The following SQSTM1 variants were observed in gnomAD, a reference collection of about 807,000 sequenced individuals.
The protein encoded by SQSTM1 is sequestosome 1.
SQSTM1 carries 36 observed loss-of-function variants against 45.1 expected under a neutral mutation model. The observed-to-expected ratio is 0.80, with a 90% CI of 0.61 to 1.05. The LOEUF is 1.05. SQSTM1 is among the 50% of genes least tolerant of loss of function. SQSTM1 has a pLI of 0.00. For missense variants in SQSTM1, 617 were observed against 607.1 expected, an observed-to-expected ratio of 1.02 and a Z score of -0.17; for synonymous variants, 290 against 244.3, an observed-to-expected ratio of 1.19 and a Z score of -1.74.
Position 179,836,747 on chromosome 5 carries a change from G to C in SQSTM1, c.*154G>C. The C allele has an allele frequency of 8.8e-7, 1 of 1,130,220 alleles. No homozygotes were observed. The highest frequency in any genetic ancestry group is 2.4e-5 in the East Asian group (1 of 41,932). The allele number at this position is 1,130,220 out of a possible 1,614,324, so 70.0% of individuals were successfully genotyped here. A position where few individuals can be genotyped will look rare whatever the true frequency, so the allele number is the denominator to read the frequency against. ...GAAGCCATTTAGGGCAGCAAAACAA[G>C]TGACATGAAGGGAGGGTCCCTGTGT... On this transcript the variant is annotated 3_prime_UTR_variant, in exon 8 of 8. Coordinates refer to ENST00000389805, the MANE Select transcript of SQSTM1 (RefSeq NM_003900.5).
upstream of SQSTM1, among the ~76,000 whole-genome samples, chr5:179,818,665 G>T (rs1013107450): frequency 1.3e-5 from 2 of 152,096 alleles, no homozygotes; most frequent in Non-Finnish European, 2.9e-5. Flanking sequence ...TGCAGTCTCT[G>T]TCCTGCCCTG....
intron 7 of SQSTM1, among the ~76,000 whole-genome samples, chr5:179,834,849 C>T (rs2113517352): frequency 6.6e-6 from 1 of 152,360 alleles, no homozygotes; most frequent in Admixed American, 6.5e-5. Flanking sequence ...ATCTTTTCCC[C>T]ACCTTTCCCC....
chr5:179,819,228 G>A (rs1757676799), upstream of SQSTM1, among the ~76,000 whole-genome samples: 1 of 152,206 alleles, frequency 6.6e-6, no homozygotes, highest in South Asian at 2.1e-4. Context: ...GGGCAGGGCG[G>A]CCGCTGGGGC....
chr5:179,834,163 G>C lies in SQSTM1; in HGVS notation c.1165+381G>C, dbSNP rs924344135. On this transcript the variant is annotated intron_variant, in intron 7 of 7. Transcript: ENST00000389805. ...AGGGAGTGCTGGTCTGAGAGGGGGG[G>C]GGGTCATAGCCAAGATCCCTGTAGG... is the stretch of plus-strand genomic sequence containing the variant. Among the ~76,000 whole-genome samples the C allele has an allele frequency of 1.8e-4, 26 of 143,494 alleles. 1 individual carries two copies. Among genetic ancestry groups the C allele is most frequent in the African/African-American group, 6.5e-4 (25 of 38,468 alleles). 94.1% of individuals were successfully genotyped at this position (143,494 alleles called of 152,430 possible).
chr5:179,823,892 G>A lies in SQSTM1; in HGVS notation c.336G>A (p.Pro112=), dbSNP rs144289539. The change falls in exon 3 of 8, where the codon CCG becomes CCA. Residue 112 remains proline (P), a synonymous_variant. Coordinates refer to ENST00000389805, the MANE Select transcript of SQSTM1 (RefSeq NM_003900.5). ...KKECRRDHRP[P]CAQEAPRNMV... ...AGTGCCGGCGGGACCACCGCCCACC[G>A]TGTGCTCAGGAGGCGCCCCGCAACA... 1.2e-5 allele frequency: 20 copies of A among 1,613,026 alleles called. No individual in the cohort carries two copies. The highest frequency in any genetic ancestry group is 1.6e-5 in the Non-Finnish European group (19 of 1,180,022).
upstream of SQSTM1, among the ~76,000 whole-genome samples, chr5:179,818,316 C>T (rs567470282): frequency 2.0e-4 from 30 of 152,290 alleles, 2 homozygotes; most frequent in Admixed American, 1.8e-3. Context: ...TGTAGAGGAA[C>T]TCATCCCCTG....
chr5:179,837,373 T>C lies in SQSTM1; in HGVS notation c.*780T>C. On this transcript the variant is annotated 3_prime_UTR_variant, in exon 8 of 8. Coordinates refer to ENST00000389805, the MANE Select transcript of SQSTM1 (RefSeq NM_003900.5). ...CTCCTAACAAGTGTATCTCGATTAA[T>C]AACCTGCCAGTCCCAGATCACACAT... The C allele has an allele frequency of 6.3e-7, 1 of 1,582,456 alleles. No homozygotes were observed.
upstream of SQSTM1, among the ~76,000 whole-genome samples, chr5:179,816,376 C>T (rs1757577568): frequency 6.6e-6 from 1 of 152,030 alleles, no homozygotes; most frequent in East Asian, 1.9e-4. Context: ...TCTCGAACTC[C>T]TGACCTCGTG....
At position 179,822,601 on chromosome 5, in the gene SQSTM1, C is replaced by T. The variant is rs557918410; in HGVS notation, c.206-357C>T. 2.3e-5 allele frequency: 8 copies of T among 354,704 alleles called. No homozygotes were observed. The East Asian group carries it at 5.0e-4, about 22-fold the overall frequency. 22.0% of individuals were successfully genotyped at this position (354,704 alleles called of 1,614,324 possible). A position where few individuals can be genotyped will look rare whatever the true frequency, so the allele number is the denominator to read the frequency against. On this transcript the variant is annotated intron_variant, in intron 1 of 7. Coordinates refer to ENST00000389805, the MANE Select transcript of SQSTM1 (RefSeq NM_003900.5). Reference sequence around the variant, plus strand: ...GAGCAGGTCACAGGCAGGGATCTCCCACAGTTGAAGACGGACATGGGCCTG... The same window carrying T: ...GAGCAGGTCACAGGCAGGGATCTCCTACAGTTGAAGACGGACATGGGCCTG...
rs750338069 is a variant in SQSTM1, at chr5:179,822,952, A to G, written c.206-6A>G. 3 of 1,613,694 alleles carry G rather than the reference A, an allele frequency of 1.9e-6. No individual in the cohort carries two copies. The highest frequency in any genetic ancestry group is 2.2e-5 in the East Asian group (1 of 44,884). On this transcript the variant is annotated splice_polypyrimidine_tract_variant and splice_region_variant and intron_variant, in intron 1 of 7. Transcript: ENST00000389805. ...GTGCTCACGTGCTGTCTTTTAAACAATCTAGATGAGGACGGGGACTTGGTT... is the reference window on the plus strand; with the variant it reads ...GTGCTCACGTGCTGTCTTTTAAACAGTCTAGATGAGGACGGGGACTTGGTT...
At chr5:179,822,902 C>G in intron 1 of SQSTM1, 56 bp from the exon 2 acceptor site, 1 of 1,496,328 alleles carries the variant, frequency 6.7e-7, no homozygotes, top group Non-Finnish European at 9.3e-7. Flanking sequence ...ATTCCAGCAG[C>G]TTATGTCCAG....
intron 7 of SQSTM1, among the ~76,000 whole-genome samples, chr5:179,834,328 T>TG (rs1758402756): frequency 6.6e-6 from 1 of 151,560 alleles, no homozygotes; most frequent in Non-Finnish European, 1.5e-5. Flanking sequence ...CAACCTGCTG[T>TG]GGGCCGCCGC....
chr5:179,823,247 C>T (rs1344438927), intron 2 of SQSTM1, among the ~76,000 whole-genome samples, 194 bp downstream of exon 2: 1 of 151,814 alleles, frequency 6.6e-6, no homozygotes. Flanking sequence ...GGGCAGGTCA[C>T]CTGAGGTCAG....
chr5:179,819,785 G>A (rs1276459948), upstream of SQSTM1, among the ~76,000 whole-genome samples: 2 of 152,170 alleles, frequency 1.3e-5, no homozygotes, highest in Non-Finnish European at 2.9e-5. Flanking sequence ...TGCCCACTTC[G>A]GAGCCCTCCG....
rs200152247 is a variant in SQSTM1 at position 179,823,908 on chromosome 5, C to T, written c.352C>T (p.Pro118Ser). The stretch of plus-strand genomic sequence containing the variant: ...CCGCCCACCGTGTGCTCAGGAGGCG[C>T]CCCGCAACATGGTGCACCCCAATGT... ...DHRPPCAQEA[P>S]RNMVHPNVIC... Residue 118 changes from proline to serine, a missense_variant, in exon 3 of 8, where the codon CCC becomes TCC. Physicochemically the swap from Pro to Ser is moderately conservative, Grantham distance 74 (BLOSUM62 -1). Coordinates refer to ENST00000389805, the MANE Select transcript of SQSTM1 (RefSeq NM_003900.5). 327 of 1,613,404 alleles carry T rather than the reference C, an allele frequency of 2.0e-4. No individual in the cohort carries two copies. Among genetic ancestry groups the T allele is most frequent in the Non-Finnish European group, 2.7e-4 (317 of 1,180,026 alleles).
rs139575774 is a variant in SQSTM1, at chr5:179,833,174, T to A, written c.897T>A (p.Asn299Lys). The A allele has an allele frequency of 6.2e-7, 1 of 1,613,770 alleles. No individual in the cohort carries two copies. The highest frequency in any genetic ancestry group is 1.3e-5 in the African/African-American group (1 of 74,870). Residue 299 changes from asparagine to lysine, a missense_variant, in exon 6 of 8, where the codon AAT becomes AAA. Transcript: ENST00000389805. ...CTGACCCCAGCAAGCCGGGTGGGAATGTTGAGGGCGCCACGCAGTCTCTGG... is the reference window on the plus strand; with the variant it reads ...CTGACCCCAGCAAGCCGGGTGGGAAAGTTGAGGGCGCCACGCAGTCTCTGG... ...CCSDPSKPGG[N>K]VEGATQSLAE...
intron 6 of SQSTM1, 52 bp from the exon 7 acceptor site, chr5:179,833,535 G>A: frequency 6.3e-7 from 1 of 1,595,580 alleles, no homozygotes; most frequent in South Asian, 1.1e-5. Context: ...CCATGGTCAG[G>A]CTTGGCCTGT....
rs1247551175 is a variant in SQSTM1 at position 179,836,481 on chromosome 5, T to C, written c.1211T>C (p.Met404Thr). Residue 404 changes from methionine (M) to threonine (T), a missense_variant, in exon 8 of 8, where the codon ATG becomes ACG. Coordinates refer to ENST00000389805, the MANE Select transcript of SQSTM1 (RefSeq NM_003900.5). ...LIESLSQMLS[M>T]GFSDEGGWLT... Reference sequence around the variant, plus strand: ...GAGTCCCTCTCCCAGATGCTGTCCATGGGCTTCTCTGATGAAGGCGGCTGG... The same window carrying C: ...GAGTCCCTCTCCCAGATGCTGTCCACGGGCTTCTCTGATGAAGGCGGCTGG... The C allele has an allele frequency of 1.2e-6, 2 of 1,614,186 alleles. No homozygotes were observed. Among genetic ancestry groups the C allele is most frequent in the East Asian group, 2.2e-5 (1 of 44,888 alleles).
chr5:179,822,525 T>C (rs1276301056), intron 1 of SQSTM1: 1 of 291,670 alleles, frequency 3.4e-6, no homozygotes, highest in East Asian at 8.6e-5. Context: ...TCTTCTCCTT[T>C]ACTCCCAAGC....
Sources: allele counts gnomAD v4.1 joint callset (sites outside exome capture counted in the v4.1 genomes callset), GRCh38; gene constraint gnomAD v4.1.1; transcripts MANE v1.5; gene names NCBI Gene and HGNC (gene_info 2026-07-23, HGNC 2026-07-21).